The following CACNA1B variants were observed in gnomAD, a reference collection of about 807,000 sequenced individuals.
The protein encoded by CACNA1B is voltage-dependent N-type calcium channel subunit alpha-1B.
Under a neutral mutation model 247.2 loss-of-function variants are expected in CACNA1B, and 70 were observed. That is an observed-to-expected ratio of 0.28 (90% confidence interval 0.23 to 0.35). CACNA1B has a LOEUF of 0.35. CACNA1B is among the 10% of genes least tolerant of loss of function. The pLI, the probability that CACNA1B is intolerant of heterozygous loss-of-function variation, is 1.00. For missense variants in CACNA1B, 2,367 were observed against 3,197.4 expected, an observed-to-expected ratio of 0.74 and a Z score of 6.26; for synonymous variants, 1,231 against 1,294.4, an observed-to-expected ratio of 0.95 and a Z score of 1.05.
chr9:137,886,301 G>A (rs1200175119), intron 3 of CACNA1B, among the ~76,000 whole-genome samples: 6 of 151,792 alleles, frequency 4.0e-5, no homozygotes, highest in East Asian at 3.9e-4. Context: ...GAGCCCCACT[G>A]AGTGCTAGGG....
At chr9:138,037,433 A>G (rs1170802283) in intron 20 of CACNA1B, among the ~76,000 whole-genome samples, 4 of 152,168 alleles carry the variant, frequency 2.6e-5, no homozygotes, top group Non-Finnish European at 4.4e-5. Flanking sequence ...CCAAGGTGGG[A>G]GGATCACCTG....
At chr9:138,030,232 TG>T (rs1589080076) in intron 20 of CACNA1B, among the ~76,000 whole-genome samples, 1 of 152,140 alleles carries the variant, frequency 6.6e-6, no homozygotes, top group South Asian at 2.1e-4. Context: ...TGTTTTGTTT[TG>T]TTTTTTGGTA....
In CACNA1B at chr9:138,102,397, C is replaced by T. The variant is rs1041628636; in HGVS notation, c.5223-314C>T. On this transcript the variant is annotated intron_variant, in intron 37 of 46. Coordinates refer to ENST00000371372, the MANE Select transcript of CACNA1B (RefSeq NM_000718.4). This position sits in a 1 kb window ranked among gnomAD's most constrained non-coding sequence, Gnocchi z 5.4. ...AGAAATTATCAACCCAAAGCCGCCC[C>T]GATGCAGCCCTTCCTCACCCCTCCA... Among the ~76,000 whole-genome samples the T allele has an allele frequency of 4.6e-5, 7 of 152,078 alleles. No homozygotes were observed. In the East Asian group the frequency reaches 9.7e-4, roughly 21 times the overall value.
chr9:137,893,244 T>G (rs1281415809), intron 3 of CACNA1B, among the ~76,000 whole-genome samples: 1 of 151,514 alleles, frequency 6.6e-6, no homozygotes, highest in Non-Finnish European at 1.5e-5. Flanking sequence ...TTTTTTTTTT[T>G]TTTTTAAAGC....
intron 41 of CACNA1B, 54 bp from the exon 42 acceptor site, chr9:138,115,498 G>A (rs1192940023): frequency 6.3e-7 from 1 of 1,580,492 alleles, no homozygotes; most frequent in South Asian, 1.1e-5. Flanking sequence ...AGGTCACAGA[G>A]GCCACATTGC....
At chr9:137,972,092 A>G (rs1002082597) in intron 11 of CACNA1B, among the ~76,000 whole-genome samples, 4 of 148,690 alleles carry the variant, frequency 2.7e-5, no homozygotes, top group African/African-American at 7.5e-5. Flanking sequence ...TTTCTTTACA[A>G]TTGGCTAAAT....
chr9:138,108,353 TATATTAA>T (rs1018575640), intron 39 of CACNA1B, among the ~76,000 whole-genome samples: 1 of 141,704 alleles, frequency 7.1e-6, no homozygotes, highest in Admixed American at 7.0e-5. Flanking sequence ...TAATACCATA[TATATTAA>T]ATAAATTAAG....
At chr9:137,956,865 G>A in intron 9 of CACNA1B, 38 bp downstream of exon 9, 5 of 1,559,628 alleles carry the variant, frequency 3.2e-6, no homozygotes, top group Non-Finnish European at 4.4e-6. Context: ...GTGGTGGAGT[G>A]CTCTGGTGGC....
chr9:137,882,715 G>C lies in CACNA1B; in HGVS notation c.391-29G>C, dbSNP rs747920136. 6.2e-7 allele frequency: 1 copy of C among 1,613,618 alleles called. No individual in the cohort carries two copies. Among genetic ancestry groups the C allele is most frequent in the Non-Finnish European group, 8.5e-7 (1 of 1,179,632 alleles). ...CGCTACTACACCGGGTAGGGGCCAG[G>C]GGTGACCACTGTTCTGCGCTTCTCC... On this transcript the variant is annotated intron_variant, in intron 2 of 46. Coordinates refer to ENST00000371372, the MANE Select transcript of CACNA1B (RefSeq NM_000718.4). The surrounding 1 kb of genome is among the most constrained non-coding windows in gnomAD (Gnocchi z 4.0).
chr9:137,985,981 T>C (rs1958356241), intron 13 of CACNA1B, among the ~76,000 whole-genome samples: 1 of 152,230 alleles, frequency 6.6e-6, no homozygotes, highest in Non-Finnish European at 1.5e-5. Flanking sequence ...TAGGTTCCGG[T>C]GTAGCTCTTC....
chr9:138,025,231 C>T, intron 20 of CACNA1B, 59 bp downstream of exon 20: 1 of 1,178,294 alleles, frequency 8.5e-7, no homozygotes, highest in Non-Finnish European at 1.2e-6. Context: ...CAGCAACCCC[C>T]ATTCCCTCCT....
chr9:137,886,071 C>T (rs1479949135), intron 3 of CACNA1B, among the ~76,000 whole-genome samples: 2 of 151,414 alleles, frequency 1.3e-5, no homozygotes, highest in Non-Finnish European at 3.0e-5. Context: ...TCCAGGAGGG[C>T]TCCTGGCGCC....
rs149261457 is a variant in CACNA1B, at chr9:138,046,959, C to T, written c.3469C>T (p.Leu1157Phe). The change falls in exon 22 of 47, where the codon CTC becomes TTC. Residue 1157 changes from leucine to phenylalanine, a missense_variant. By Grantham distance (22) the Leu-to-Phe change is conservative. Around this residue, in one of 12 missense-constraint regions of CACNA1B, gnomAD observed 631 missense variants for 631.1 expected, o/e 1.00. Transcript: ENST00000371372. The stretch of plus-strand genomic sequence containing the variant: ...CATGAGGTACTTCGAGGTGGTCATT[C>T]TCGTGGTCATCGCCTTGAGCAGCAT... ...VTMRYFEVVI[L>F]VVIALSSIAL... 6.2e-7 allele frequency: 1 copy of T among 1,613,658 alleles called. No individual in the cohort carries two copies. The highest frequency in any genetic ancestry group is 2.2e-5 in the East Asian group (1 of 44,866).
intron 16 of CACNA1B, among the ~76,000 whole-genome samples, chr9:138,008,079 G>GT (rs1564234982): frequency 6.6e-6 from 1 of 152,238 alleles, no homozygotes; most frequent in Non-Finnish European, 1.5e-5. Flanking sequence ...TTCCTGGGAA[G>GT]TTGAGTGTGT....
Position 138,012,141 on chromosome 9 carries a change from T to C in CACNA1B, c.2161-988T>C, listed in dbSNP as rs1040721505. Reference sequence around the variant, plus strand: ...CCATGTGAAGTTCAGGGCCAGGCACTGCAAGTGGTCACCCAGGAGTGGGGG... The same window carrying C: ...CCATGTGAAGTTCAGGGCCAGGCACCGCAAGTGGTCACCCAGGAGTGGGGG... On this transcript the variant is annotated intron_variant, in intron 17 of 46. Transcript: ENST00000371372. This position sits in a 1 kb window ranked among gnomAD's most constrained non-coding sequence, Gnocchi z 4.2. Among the ~76,000 whole-genome samples the C allele has an allele frequency of 1.3e-5, 2 of 152,206 alleles. No homozygotes were observed. Among genetic ancestry groups the C allele is most frequent in the Non-Finnish European group, 2.9e-5 (2 of 68,030 alleles).
In CACNA1B at chr9:138,122,148, CT is replaced by C; in HGVS notation, c.*153del. 3.0e-6 allele frequency: 2 copies of C among 659,000 alleles called. No individual in the cohort carries two copies. The highest frequency in any genetic ancestry group is 4.1e-4 in the Middle Eastern group (1 of 2,438). 40.8% of individuals were successfully genotyped at this position (659,000 alleles called of 1,614,324 possible). A position where few individuals can be genotyped will look rare whatever the true frequency, so the allele number is the denominator to read the frequency against. The stretch of plus-strand genomic sequence containing the variant: ...GGCCCCTCCCTCCCCCTCCTCCCCT[CT>C]TTTACTCTAGACGACGAATAAAGCC... On this transcript the variant is annotated 3_prime_UTR_variant, in exon 47 of 47. Transcript: ENST00000371372.
intron 20 of CACNA1B, among the ~76,000 whole-genome samples, chr9:138,029,649 C>T (rs1444959123): frequency 5.4e-4 from 78 of 145,586 alleles, no homozygotes; most frequent in South Asian, 1.7e-3. Context: ...CTCGCTCTGT[C>T]GCCCAGGCTG....
At chr9:138,095,939 G>C (rs1961037899) in intron 36 of CACNA1B, among the ~76,000 whole-genome samples, 1 of 150,182 alleles carries the variant, frequency 6.7e-6, no homozygotes, top group East Asian at 2.0e-4. Context: ...GTTGCCAGGG[G>C]GTTGGGGGGG....
At chr9:138,049,178 G>A (rs200992947) in intron 23 of CACNA1B, 31 bp from the exon 24 acceptor site, 76 of 1,387,280 alleles carry the variant, frequency 5.5e-5, no homozygotes, top group Admixed American at 5.0e-5. Context: ...TCTGGACTAT[G>A]ACGTATCTAA....
Sources: gnomAD v4.1 joint callset for allele counts (sites outside exome capture counted in the v4.1 genomes callset) on GRCh38, gnomAD v4.1.1 for gene constraint, gnomAD v4.1.1 regional missense constraint, Gnocchi (gnomAD v3.1) non-coding constraint, MANE v1.5 for transcripts, NCBI Gene and HGNC (gene_info 2026-07-23, HGNC 2026-07-21) for gene names.